The following REL variants were observed in gnomAD, a reference collection of about 807,000 sequenced individuals.
The protein encoded by REL is proto-oncogene c-Rel.
Under a neutral mutation model 45.9 loss-of-function variants are expected in REL, and 15 were observed. The observed-to-expected ratio is 0.33, with a 90% CI of 0.22 to 0.50. The LOEUF (loss-of-function observed/expected upper bound fraction) is 0.50. REL is among the 20% of genes least tolerant of loss of function. The pLI is 0.98. For missense variants in REL, 601 were observed against 715.2 expected (o/e 0.84, Z 1.82); for synonymous variants, 239 against 242.1 (o/e 0.99, Z 0.12).
At position 60,923,352 on chromosome 2, in the gene REL, A is replaced by G. The variant is rs1456348350; in HGVS notation, c.*817A>G. 2 of 228,866 alleles carry G rather than the reference A, an allele frequency of 8.7e-6. No homozygotes were observed. Among genetic ancestry groups the G allele is most frequent in the Non-Finnish European group, 1.7e-5 (2 of 115,266 alleles). The allele number at this position is 228,866 out of a possible 1,614,324, so 14.2% of individuals were successfully genotyped here. Reference sequence around the variant, plus strand: ...TTATACTATTTCAATCTATGCCTTTAAAGTTGCTTATGATTTTAGCTGTAC... The same window carrying G: ...TTATACTATTTCAATCTATGCCTTTGAAGTTGCTTATGATTTTAGCTGTAC... On this transcript the variant is annotated 3_prime_UTR_variant, in exon 10 of 10. Transcript: ENST00000394479.
At chr2:60,887,289 G>A (rs924365016) in intron 1 of REL, among the ~76,000 whole-genome samples, 1 of 152,068 alleles carries the variant, frequency 6.6e-6, no homozygotes, top group African/African-American at 2.4e-5. Flanking sequence ...AAATACTGAG[G>A]TGTAGCAATC....
At position 60,898,118 on chromosome 2, in the gene REL, C is replaced by CT. The variant is rs756996441; in HGVS notation, c.303-2873dup. Among the ~76,000 whole-genome samples the CT allele has an allele frequency of 3.4e-4, 52 of 152,330 alleles. 1 individual carries two copies. The highest frequency in any genetic ancestry group is 6.5e-4 in the Non-Finnish European group (44 of 68,026). ...GAAATTCATCACCGTCATACTACCA[C>CT]TATAGCCTAAACTGGGGCTGCTGGA... On this transcript the variant is annotated intron_variant, in intron 3 of 9. Coordinates refer to ENST00000394479, the MANE Select transcript of REL (RefSeq NM_001291746.2).
chr2:60,921,629 T>A (rs1674142470), intron 9 of REL, 134 bp from the exon 10 acceptor site: 3 of 772,658 alleles, frequency 3.9e-6, no homozygotes, highest in Non-Finnish European at 6.1e-6. Flanking sequence ...TACATTTTTT[T>A]ATTTGAAATG....
chr2:60,890,890 A>G (rs1009240899), intron 1 of REL, among the ~76,000 whole-genome samples: 2 of 152,240 alleles, frequency 1.3e-5, no homozygotes, highest in Non-Finnish European at 2.9e-5. Context: ...AAATGGAATC[A>G]TACAGTATGT....
chr2:60,921,396 A>C (rs1448371069), intron 9 of REL, among the ~76,000 whole-genome samples: 2 of 152,110 alleles, frequency 1.3e-5, no homozygotes, highest in African/African-American at 4.8e-5. Context: ...AGAGTAAGAG[A>C]TGATTTTGGC....
rs113829986 is a variant in REL, at chr2:60,923,801, T to C, written c.*1266T>C. The stretch of plus-strand genomic sequence containing the variant: ...CTGTCATCTACAAAAATTCTTCTTA[T>C]ATCCTTGCATTCCTACAGTCTGTTC... On this transcript the variant is annotated 3_prime_UTR_variant, in exon 10 of 10. Coordinates refer to ENST00000394479, the MANE Select transcript of REL (RefSeq NM_001291746.2). The C allele has an allele frequency of 9.5e-3, 2,204 of 233,122 alleles. 52 individuals are homozygous for C. Among genetic ancestry groups the C allele is most frequent in the African/African-American group, 0.045 (2,059 of 45,440 alleles). 14.4% of individuals were successfully genotyped at this position (233,122 alleles called of 1,614,324 possible).
At chr2:60,887,217 T>C (rs539309106) in intron 1 of REL, among the ~76,000 whole-genome samples, 54 of 152,312 alleles carry the variant, frequency 3.5e-4, no homozygotes, top group African/African-American at 1.3e-3. Context: ...AAATGATTTA[T>C]AGCTGGGAAG....
intron 2 of REL, among the ~76,000 whole-genome samples, chr2:60,892,177 T>TGATATTATTCTGTA (rs987654859): frequency 6.6e-6 from 1 of 152,092 alleles, no homozygotes; most frequent in African/African-American, 2.4e-5. Context: ...CAGAGGTGAG[T>TGATATTATTCTGTA]GATATTATTC....
chr2:60,911,489 T>C (rs748339697), intron 4 of REL: 2 of 152,126 alleles, frequency 1.3e-5, no homozygotes, highest in Non-Finnish European at 2.9e-5. Context: ...GTAAAATTAA[T>C]ATATAAAGGT....
chr2:60,920,487 C>T, intron 8 of REL, 87 bp from the exon 9 acceptor site: 1 of 1,017,448 alleles, frequency 9.8e-7, no homozygotes, highest in South Asian at 1.3e-5. Context: ...AGGTGGGAGC[C>T]ACCACGCCCG....
At chr2:60,899,711 C>T (rs1352283772) in intron 3 of REL, 2 of 152,146 alleles carry the variant, frequency 1.3e-5, no homozygotes, top group Admixed American at 6.6e-5. Context: ...TCACGCCCAC[C>T]CAATTTTACT....
rs1394544564 is a variant in REL at position 60,931,099 on chromosome 2, AT to A, written c.*8567del. The A allele has an allele frequency of 1.3e-5, 2 of 152,484 alleles. No individual in the cohort carries two copies. The highest frequency in any genetic ancestry group is 3.8e-4 in the East Asian group (2 of 5,328). The allele number at this position is 152,484 out of a possible 1,614,324, so 9.4% of individuals were successfully genotyped here. A position where few individuals can be genotyped will look rare whatever the true frequency, so the allele number is the denominator to read the frequency against. On this transcript the variant is annotated 3_prime_UTR_variant, in exon 10 of 10. Coordinates refer to ENST00000394479, the MANE Select transcript of REL (RefSeq NM_001291746.2). ...ATAAGGTTGGAATATTTGAGGATCC[AT>A]TTGTGGAACTGAATTTAATGAGACT...
intron 7 of REL, among the ~76,000 whole-genome samples, chr2:60,919,716 C>T (rs548241074): frequency 5.9e-4 from 90 of 152,070 alleles, no homozygotes; most frequent in African/African-American, 1.9e-3. Flanking sequence ...TGAGCCACTG[C>T]GCCTGGCCAA....
intron 1 of REL, among the ~76,000 whole-genome samples, chr2:60,886,741 T>G (rs1249878290): frequency 1.3e-5 from 2 of 152,156 alleles, no homozygotes; most frequent in Admixed American, 1.3e-4. Context: ...TTTAAACATT[T>G]CAATGTAATT....
rs1269985181 is a variant in REL, at chr2:60,930,750, C to G, written c.*8215C>G. Reference sequence around the variant, plus strand: ...TGTGGCTTTAGGAAAATACCACCAGCTAGTACTTACCTATTTAAAGATGTA... The same window carrying G: ...TGTGGCTTTAGGAAAATACCACCAGGTAGTACTTACCTATTTAAAGATGTA... On this transcript the variant is annotated 3_prime_UTR_variant, in exon 10 of 10. Coordinates refer to ENST00000394479, the MANE Select transcript of REL (RefSeq NM_001291746.2). The G allele has an allele frequency of 6.6e-6, 1 of 152,294 alleles. No individual in the cohort carries two copies. The highest frequency in any genetic ancestry group is 2.4e-5 in the African/African-American group (1 of 41,440). 9.4% of individuals were successfully genotyped at this position (152,294 alleles called of 1,614,324 possible). A position where few individuals can be genotyped will look rare whatever the true frequency, so the allele number is the denominator to read the frequency against.
chr2:60,894,287 T>C (rs1673292825), intron 2 of REL, 110 bp from the exon 3 acceptor site: 2 of 623,098 alleles, frequency 3.2e-6, no homozygotes, highest in African/African-American at 3.8e-5. Context: ...TGGATTTTAT[T>C]TATCTAGTGC....
At position 60,922,071 on chromosome 2, in the gene REL, G is replaced by A. The variant is rs764625108; in HGVS notation, c.1300G>A (p.Ala434Thr). Residue 434 changes from alanine (A) to threonine (T), a missense_variant, in exon 10 of 10, where the codon GCC becomes ACC. Physicochemically the swap from Ala to Thr is moderately conservative, Grantham distance 58. Around this residue, in one of 4 missense-constraint regions of REL, gnomAD observed 334 missense variants for 333.1 expected, o/e 1.00. Transcript: ENST00000394479. ...NASNACIYNNADDIVGMEASS... is the reference protein window; with the variant it reads ...NASNACIYNNTDDIVGMEASS... The stretch of plus-strand genomic sequence containing the variant: ...TTCTAATGCTTGCATTTACAACAAT[G>A]CCGATGACATAGTCGGAATGGAAGC... The A allele has an allele frequency of 6.2e-7, 1 of 1,614,188 alleles. No homozygotes were observed. The highest frequency in any genetic ancestry group is 8.5e-7 in the Non-Finnish European group (1 of 1,180,020).
rs1394635177 is a variant in REL, at chr2:60,930,099, T to G, written c.*7564T>G. 1 of 152,248 alleles carries G rather than the reference T, an allele frequency of 6.6e-6. No homozygotes were observed. The highest frequency in any genetic ancestry group is 1.5e-5 in the Non-Finnish European group (1 of 68,018). 9.4% of individuals were successfully genotyped at this position (152,248 alleles called of 1,614,324 possible). Reference sequence around the variant, plus strand: ...GATCACCACATGCTTTTAAATAGCATGGAGAAATGGAAAGAATAGGGACTT... The same window carrying G: ...GATCACCACATGCTTTTAAATAGCAGGGAGAAATGGAAAGAATAGGGACTT... On this transcript the variant is annotated 3_prime_UTR_variant, in exon 10 of 10. Transcript: ENST00000394479.
At chr2:60,893,475 T>C (rs1229196290) in intron 2 of REL, among the ~76,000 whole-genome samples, 1 of 152,214 alleles carries the variant, frequency 6.6e-6, no homozygotes, top group African/African-American at 2.4e-5. Context: ...TTTAAACTTT[T>C]CTTCATAATT....
Sources: gnomAD v4.1 joint callset for allele counts (sites outside exome capture counted in the v4.1 genomes callset) on GRCh38, gnomAD v4.1.1 for gene constraint, gnomAD v4.1.1 regional missense constraint, MANE v1.5 for transcripts, NCBI Gene and HGNC (gene_info 2026-07-23, HGNC 2026-07-21) for gene names.